The following APP variants were observed in gnomAD, a reference collection of about 807,000 sequenced individuals.
APP encodes amyloid beta precursor protein, also known as amyloid-beta precursor protein.
A neutral mutation model predicts 101.4 loss-of-function variants in APP; 31 were observed. The observed-to-expected ratio is 0.31, with a 90% CI of 0.23 to 0.41. The LOEUF (loss-of-function observed/expected upper bound fraction) is 0.41. APP is among the 10% of genes least tolerant of loss of function. APP has a pLI of 1.00. For missense variants in APP, 839 were observed against 1,003.7 expected (o/e 0.84, Z 2.22); for synonymous variants, 366 against 364.4 (o/e 1.00, Z -0.05).
At chr21:25,921,065 T>C (rs1340758405) in intron 13 of APP, among the ~76,000 whole-genome samples, 4 of 146,026 alleles carry the variant, frequency 2.7e-5, no homozygotes, top group Non-Finnish European at 6.0e-5. Flanking sequence ...GAACTCAGGA[T>C]TAATAATCTC....
chr21:26,044,394 A>G (rs1276324070), intron 5 of APP, among the ~76,000 whole-genome samples: 3 of 152,222 alleles, frequency 2.0e-5, no homozygotes, highest in Non-Finnish European at 4.4e-5. Context: ...CAACTGACAG[A>G]AGGAGGCATT....
At chr21:26,034,947 G>A (rs879595288) in intron 5 of APP, among the ~76,000 whole-genome samples, 8 of 152,042 alleles carry the variant, frequency 5.3e-5, no homozygotes, top group Non-Finnish European at 1.0e-4. Flanking sequence ...AAGTAAATAG[G>A]CTGCTAGGAT....
At chr21:26,104,785 C>A (rs1213384192) in intron 2 of APP, among the ~76,000 whole-genome samples, 1 of 152,086 alleles carries the variant, frequency 6.6e-6, no homozygotes, top group Non-Finnish European at 1.5e-5. Flanking sequence ...TACTGCAAAG[C>A]AATCCTTTGG....
At chr21:26,086,591 A>G (rs1205249413) in intron 3 of APP, among the ~76,000 whole-genome samples, 1 of 151,966 alleles carries the variant, frequency 6.6e-6, no homozygotes, top group South Asian at 2.1e-4. Context: ...TCTAAAACAT[A>G]TATTTGGATA....
chr21:26,042,207 C>G (rs999805475), intron 5 of APP, among the ~76,000 whole-genome samples: 2 of 152,124 alleles, frequency 1.3e-5, no homozygotes, highest in Non-Finnish European at 2.9e-5. Context: ...TATTCAAAAA[C>G]TTGTAACTCC....
At chr21:25,885,813 A>T (rs1451995258) in intron 17 of APP, among the ~76,000 whole-genome samples, 1 of 152,184 alleles carries the variant, frequency 6.6e-6, no homozygotes, top group Admixed American at 6.5e-5. Flanking sequence ...AACTTGATTC[A>T]TTGGAACCAT....
intron 3 of APP, among the ~76,000 whole-genome samples, chr21:26,057,831 T>C (rs1210646625): frequency 6.6e-6 from 1 of 152,212 alleles, no homozygotes; most frequent in Non-Finnish European, 1.5e-5. Context: ...TTTGGCCCAT[T>C]TCCTTTGGCT....
rs1479782673 is a variant in APP at position 25,904,968 on chromosome 21, T to C, written c.1963+56A>G. On this transcript the variant is annotated intron_variant, in intron 15 of 17. Transcript: ENST00000346798. The stretch of plus-strand genomic sequence containing the variant: ...CTTAAAATGCAGAAAGGAGACAACG[T>C]CTGCTCGAGCTTAGGCCCAAGATGC... 47 of 1,473,620 alleles carry C rather than the reference T, an allele frequency of 3.2e-5. No homozygotes were observed. In the Admixed American group the frequency reaches 7.2e-4, roughly 22 times the overall value. The allele number at this position is 1,473,620 out of a possible 1,614,324, so 91.3% of individuals were successfully genotyped here. A position where few individuals can be genotyped will look rare whatever the true frequency, so the allele number is the denominator to read the frequency against.
chr21:26,104,923 TA>T (rs1314797603), intron 2 of APP, among the ~76,000 whole-genome samples: 2 of 152,060 alleles, frequency 1.3e-5, no homozygotes, highest in East Asian at 3.9e-4. Context: ...CTTAGCCAGC[TA>T]GTTATCTCTA....
At chr21:26,094,449 A>G (rs1439102883) in intron 2 of APP, among the ~76,000 whole-genome samples, 2 of 152,036 alleles carry the variant, frequency 1.3e-5, no homozygotes, top group African/African-American at 2.4e-5. Context: ...AACACGTTAA[A>G]ATTTAAAATT....
intron 5 of APP, among the ~76,000 whole-genome samples, chr21:26,022,616 T>C (rs1047178019): frequency 6.6e-6 from 1 of 152,154 alleles, no homozygotes; most frequent in African/African-American, 2.4e-5. Context: ...CTTTTTGTAG[T>C]TTCTGCTTGA....
intron 13 of APP, among the ~76,000 whole-genome samples, chr21:25,916,443 CT>C (rs1044636600): frequency 1.3e-5 from 2 of 152,232 alleles, no homozygotes; most frequent in Non-Finnish European, 2.9e-5. Context: ...TTACCAGTGG[CT>C]TACACACTGG....
intron 6 of APP, chr21:26,009,878 G>C (rs572368705): frequency 1.2e-5 from 2 of 172,432 alleles, no homozygotes; most frequent in African/African-American, 4.8e-5. Context: ...ATGAGCCATC[G>C]TGCCTGGCCA....
At chr21:25,966,762 C>G (rs544528231) in intron 11 of APP, among the ~76,000 whole-genome samples, 4 of 152,146 alleles carry the variant, frequency 2.6e-5, no homozygotes, top group Non-Finnish European at 5.9e-5. Flanking sequence ...TATAAAAGCT[C>G]AAGTTTAGTA....
intron 17 of APP, among the ~76,000 whole-genome samples, chr21:25,883,150 C>CATT (rs2037098604): frequency 6.6e-6 from 1 of 152,194 alleles, no homozygotes; most frequent in Non-Finnish European, 1.5e-5. Context: ...CTCCTGTAAT[C>CATT]CCAGCACTTT....
At chr21:26,074,307 A>G (rs12481757) in intron 3 of APP, among the ~76,000 whole-genome samples, 14,194 of 152,260 alleles carry the variant, frequency 0.093, 826 homozygotes, top group East Asian at 0.23. Flanking sequence ...CGCCACATTC[A>G]TGTAATCACT....
At chr21:26,021,713 G>T in intron 6 of APP, 127 bp downstream of exon 6, 3 of 1,349,762 alleles carry the variant, frequency 2.2e-6, no homozygotes, top group Non-Finnish European at 3.0e-6. Context: ...AGCATAAGAA[G>T]CCTTTTGGAA....
intron 5 of APP, among the ~76,000 whole-genome samples, chr21:26,025,764 C>T (rs981032522): frequency 5.3e-5 from 8 of 152,152 alleles, no homozygotes; most frequent in Non-Finnish European, 8.8e-5. Flanking sequence ...ATAGTTCAAC[C>T]GGCTAAGGAA....
intron 3 of APP, among the ~76,000 whole-genome samples, chr21:26,075,181 T>C (rs2146050315): frequency 6.6e-6 from 1 of 152,358 alleles, no homozygotes; most frequent in East Asian, 1.9e-4. Context: ...TCATTAAATC[T>C]ATATATTTAT....
Sources: allele counts gnomAD v4.1 joint callset (sites outside exome capture counted in the v4.1 genomes callset), GRCh38; gene constraint gnomAD v4.1.1; transcripts MANE v1.5; gene names NCBI Gene and HGNC (gene_info 2026-07-23, HGNC 2026-07-21).